The following SLIT3 variants were observed in gnomAD, a reference collection of about 807,000 sequenced individuals.
SLIT3 encodes slit homolog 3 protein.
In SLIT3, 68 loss-of-function variants were observed where a neutral mutation model predicts 184.0. The observed-to-expected ratio is 0.37, with a 90% CI of 0.30 to 0.45. The LOEUF is 0.45. Among genes scored for constraint, SLIT3 ranks in the 20% least tolerant of loss-of-function variants. The pLI is 1.00. For synonymous variants in SLIT3, 831 were observed against 828.6 expected (o/e 1.00, Z -0.05); for missense variants, 1,707 against 2,026.0 (o/e 0.84, Z 3.02).
chr5:168,866,607 C>T (rs563666386), intron 5 of SLIT3, among the ~76,000 whole-genome samples: 2 of 152,258 alleles, frequency 1.3e-5, no homozygotes, highest in East Asian at 1.9e-4. Flanking sequence ...TCTCAGGCCT[C>T]TTCACTCTCA....
chr5:168,786,888 T>C (rs1259370139), intron 11 of SLIT3, among the ~76,000 whole-genome samples: 2 of 152,194 alleles, frequency 1.3e-5, no homozygotes, highest in African/African-American at 4.8e-5. Flanking sequence ...AGGGAACTGA[T>C]CGTAGGAGAG....
chr5:168,871,473 G>A (rs1759515856), intron 5 of SLIT3, among the ~76,000 whole-genome samples: 1 of 152,094 alleles, frequency 6.6e-6, no homozygotes, highest in African/African-American at 2.4e-5. Flanking sequence ...GGAAGGGACA[G>A]GGCAGGGAAG....
At chr5:169,115,816 C>A (rs1760641474) in intron 4 of SLIT3, among the ~76,000 whole-genome samples, 1 of 152,196 alleles carries the variant, frequency 6.6e-6, no homozygotes, top group Non-Finnish European at 1.5e-5. Context: ...GTGGTTGGAT[C>A]CTGTGGTGGG....
chr5:169,172,800 C>T (rs11749001), intron 4 of SLIT3, among the ~76,000 whole-genome samples: 18,855 of 152,152 alleles, frequency 0.12, 1,331 homozygotes, highest in South Asian at 0.24. Flanking sequence ...TACAATTCCC[C>T]GCTCACAAGT....
intron 29 of SLIT3, among the ~76,000 whole-genome samples, chr5:168,692,183 T>C (rs1033363759): frequency 1.1e-4 from 17 of 152,212 alleles, no homozygotes; most frequent in South Asian, 1.0e-3. Flanking sequence ...GGCAGCGTAC[T>C]GCAAAGGCTG....
chr5:169,140,642 AAG>A (rs1056099432), intron 4 of SLIT3, among the ~76,000 whole-genome samples: 2 of 152,038 alleles, frequency 1.3e-5, no homozygotes, highest in Non-Finnish European at 2.9e-5. Context: ...TGTGTCTACA[AAG>A]AGAGAAAAAA....
chr5:169,222,804 G>C (rs1283880318), intron 3 of SLIT3, among the ~76,000 whole-genome samples: 1 of 152,224 alleles, frequency 6.6e-6, no homozygotes, highest in African/African-American at 2.4e-5. Flanking sequence ...CATGAATGCA[G>C]GTTAGCACTT....
At chr5:168,806,199 C>T (rs1756950345) in intron 9 of SLIT3, among the ~76,000 whole-genome samples, 1 of 152,156 alleles carries the variant, frequency 6.6e-6, no homozygotes, top group Admixed American at 6.5e-5. Context: ...AAAACATTTA[C>T]AAAAATAGGC....
At chr5:169,200,696 G>A (rs1763882498) in intron 3 of SLIT3, among the ~76,000 whole-genome samples, 1 of 152,200 alleles carries the variant, frequency 6.6e-6, no homozygotes, top group South Asian at 2.1e-4. Flanking sequence ...CAAAAGAGTA[G>A]AGATCCTTGA....
chr5:168,850,395 T>C (rs1044809202), intron 5 of SLIT3, among the ~76,000 whole-genome samples: 1 of 152,200 alleles, frequency 6.6e-6, no homozygotes, highest in African/African-American at 2.4e-5. Context: ...AAGACCCCTG[T>C]CTATAAAACT....
intron 4 of SLIT3, among the ~76,000 whole-genome samples, chr5:168,940,017 C>A (rs1229830467): frequency 6.6e-6 from 1 of 152,162 alleles, no homozygotes; most frequent in African/African-American, 2.4e-5. Context: ...ACTGGGCTAA[C>A]TCTAGGGCCC....
At chr5:169,298,300 T>C (rs1767576754) in intron 1 of SLIT3, among the ~76,000 whole-genome samples, 1 of 152,116 alleles carries the variant, frequency 6.6e-6, no homozygotes, top group Non-Finnish European at 1.5e-5. Flanking sequence ...AGGGGGCCTC[T>C]GGGAATGACC....
chr5:169,109,914 T>G (rs1473557838), intron 4 of SLIT3, among the ~76,000 whole-genome samples: 1 of 152,208 alleles, frequency 6.6e-6, no homozygotes, highest in East Asian at 1.9e-4. Context: ...GTGTGCCAGT[T>G]GCTGAGATAT....
chr5:168,970,576 G>C (rs1484209949), intron 4 of SLIT3, among the ~76,000 whole-genome samples: 3 of 151,960 alleles, frequency 2.0e-5, no homozygotes, highest in Admixed American at 2.0e-4. Context: ...ACAGTTCCAA[G>C]GCAGATTTGT....
intron 3 of SLIT3, among the ~76,000 whole-genome samples, chr5:169,205,649 C>G (rs1262220836): frequency 6.6e-6 from 1 of 152,206 alleles, no homozygotes; most frequent in Non-Finnish European, 1.5e-5. Context: ...CTCCACTTAT[C>G]TAACAGAATT....
intron 6 of SLIT3, among the ~76,000 whole-genome samples, chr5:168,830,808 C>T (rs1309186582): frequency 6.6e-6 from 1 of 152,178 alleles, no homozygotes; most frequent in Non-Finnish European, 1.5e-5. Flanking sequence ...CATCATTACA[C>T]AAAACTGCCT....
intron 4 of SLIT3, among the ~76,000 whole-genome samples, chr5:168,907,979 TAGAGAG>T (rs70979109): frequency 2.0e-5 from 1 of 50,086 alleles, no homozygotes; most frequent in East Asian, 5.0e-4. Flanking sequence ...TATATATATA[TAGAGAG>T]AGAGAGAGAG....
chr5:168,759,500 T>C (rs1261135497), intron 16 of SLIT3, among the ~76,000 whole-genome samples: 1 of 152,172 alleles, frequency 6.6e-6, no homozygotes, highest in African/African-American at 2.4e-5. Flanking sequence ...CCTTCGGCAG[T>C]ATGTCTGGGG....
chr5:168,676,159 T>A (rs1438831721), intron 32 of SLIT3, among the ~76,000 whole-genome samples: 1 of 136,450 alleles, frequency 7.3e-6, no homozygotes, highest in African/African-American at 2.9e-5. Context: ...ATTTATCTAC[T>A]CTCTTCCATC....
Sources: gnomAD v4.1 joint callset for allele counts (sites outside exome capture counted in the v4.1 genomes callset) on GRCh38, gnomAD v4.1.1 for gene constraint, MANE v1.5 for transcripts, NCBI Gene and HGNC (gene_info 2026-07-23, HGNC 2026-07-21) for gene names.